Variants in GPC6 observed in about 807,000 individuals in gnomAD.
GPC6 encodes the protein glypican 6.
In GPC6, 14 loss-of-function variants were observed where a neutral mutation model predicts 55.2. That is an observed-to-expected ratio of 0.25 (90% confidence interval 0.17 to 0.40). GPC6 has a LOEUF of 0.40. Ranked by LOEUF, GPC6 falls within the 10% of genes least tolerant of loss-of-function variation. The pLI is 1.00. For synonymous variants in GPC6, 278 were observed against 259.6 expected (o/e 1.07, Z -0.68); for missense variants, 641 against 708.5 (o/e 0.90, Z 1.08).
chr13:94,314,579 A>T (rs1876423324), intron 6 of GPC6, among the ~76,000 whole-genome samples: 3 of 152,170 alleles, frequency 2.0e-5, no homozygotes. Flanking sequence ...CTCAAACCAT[A>T]CCTTTAAAAA....
intron 4 of GPC6, among the ~76,000 whole-genome samples, chr13:94,186,384 T>G (rs1039096766): frequency 1.4e-4 from 21 of 152,220 alleles, no homozygotes; most frequent in Non-Finnish European, 2.5e-4. Context: ...CCCATTTTCC[T>G]CCTTCTTTAA....
chr13:93,834,568 C>G (rs1887660127), intron 3 of GPC6, among the ~76,000 whole-genome samples: 1 of 151,856 alleles, frequency 6.6e-6, no homozygotes, highest in Non-Finnish European at 1.5e-5. Context: ...AAGCCAGGTG[C>G]TTGAGGAGTG....
At chr13:93,989,295 G>C (rs965543737) in intron 3 of GPC6, among the ~76,000 whole-genome samples, 5 of 152,136 alleles carry the variant, frequency 3.3e-5, no homozygotes, top group African/African-American at 1.2e-4. Context: ...TATTTCTTGA[G>C]TGCAGGGACC....
At chr13:93,844,290 C>T (rs1008326163) in intron 3 of GPC6, among the ~76,000 whole-genome samples, 1 of 152,074 alleles carries the variant, frequency 6.6e-6, no homozygotes, top group African/African-American at 2.4e-5. Context: ...AGGCATGCAC[C>T]ACCATGCCCA....
At chr13:93,914,243 T>A (rs1877169832) in intron 3 of GPC6, among the ~76,000 whole-genome samples, 1 of 143,026 alleles carries the variant, frequency 7.0e-6, no homozygotes, top group East Asian at 2.3e-4. Context: ...CAGGCCCCGG[T>A]GTGTGATGTT....
chr13:93,640,582 T>C (rs1879870676), intron 2 of GPC6, among the ~76,000 whole-genome samples: 1 of 152,042 alleles, frequency 6.6e-6, no homozygotes, highest in Non-Finnish European at 1.5e-5. Flanking sequence ...AGGAACTCTC[T>C]ATCAAGAAAT....
chr13:93,942,319 A>G (rs1254026656), intron 3 of GPC6, among the ~76,000 whole-genome samples: 1 of 152,160 alleles, frequency 6.6e-6, no homozygotes, highest in Non-Finnish European at 1.5e-5. Context: ...ATCTCACAAC[A>G]TAGCAGTCAA....
At chr13:94,366,246 A>G (rs1389849342) in intron 6 of GPC6, among the ~76,000 whole-genome samples, 1 of 152,252 alleles carries the variant, frequency 6.6e-6, no homozygotes, top group Non-Finnish European at 1.5e-5. Flanking sequence ...ATGTTCAAAC[A>G]TTAAACTTTT....
At chr13:93,898,940 A>AATATAT (rs66531953) in intron 3 of GPC6, among the ~76,000 whole-genome samples, 4,919 of 136,498 alleles carry the variant, frequency 0.036, 111 homozygotes, top group East Asian at 0.075. Flanking sequence ...ATTATATATA[A>AATATAT]ATATATATAT....
chr13:93,432,934 G>A (rs1432734633), intron 1 of GPC6, among the ~76,000 whole-genome samples: 2 of 128,784 alleles, frequency 1.6e-5, no homozygotes, highest in Non-Finnish European at 3.2e-5. Flanking sequence ...AATAGGAGAA[G>A]GAGAAGGCAG....
At chr13:94,260,816 G>A (rs935059469) in intron 4 of GPC6, among the ~76,000 whole-genome samples, 2 of 152,140 alleles carry the variant, frequency 1.3e-5, no homozygotes, top group African/African-American at 4.8e-5. Context: ...CGGGAGCATG[G>A]TGGAGGCTGG....
At chr13:93,660,676 A>C (rs1025613748) in intron 2 of GPC6, among the ~76,000 whole-genome samples, 3 of 152,182 alleles carry the variant, frequency 2.0e-5, no homozygotes, top group African/African-American at 7.2e-5. Context: ...GTTCTTCTTT[A>C]GAGTTGTCTC....
intron 1 of GPC6, among the ~76,000 whole-genome samples, chr13:93,242,509 A>G (rs1039198759): frequency 2.0e-5 from 3 of 152,168 alleles, no homozygotes; most frequent in Non-Finnish European, 2.9e-5. Flanking sequence ...AAGACCATCT[A>G]CAGATGCACC....
At chr13:94,108,609 G>A (rs1886135873) in intron 4 of GPC6, among the ~76,000 whole-genome samples, 2 of 152,140 alleles carry the variant, frequency 1.3e-5, no homozygotes, top group East Asian at 3.9e-4. Flanking sequence ...GGGAGGCCAA[G>A]GCGGGTGGAT....
At chr13:93,966,943 C>G (rs1039341177) in intron 3 of GPC6, among the ~76,000 whole-genome samples, 2 of 152,128 alleles carry the variant, frequency 1.3e-5, no homozygotes, top group African/African-American at 2.4e-5. Flanking sequence ...GCATGAGCCA[C>G]TGCACCCGAC....
chr13:94,255,920 G>A (rs1049920094), intron 4 of GPC6, among the ~76,000 whole-genome samples: 3 of 152,138 alleles, frequency 2.0e-5, no homozygotes, highest in African/African-American at 7.2e-5. Flanking sequence ...TGTGATCCCT[G>A]GACTGGCAGC....
chr13:94,164,516 C>T (rs375164389), intron 4 of GPC6, among the ~76,000 whole-genome samples: 1 of 152,134 alleles, frequency 6.6e-6, no homozygotes, highest in African/African-American at 2.4e-5. Flanking sequence ...GAAGACTTTC[C>T]ACAATGTGAA....
At chr13:93,380,674 T>G (rs2139203590) in intron 1 of GPC6, among the ~76,000 whole-genome samples, 1 of 152,262 alleles carries the variant, frequency 6.6e-6, no homozygotes, top group African/African-American at 2.4e-5. Context: ...GTAAGGGAAC[T>G]GGGGTGCCAC....
In GPC6 at chr13:93,907,865, T is replaced by G. The variant is rs368482455; in HGVS notation, c.711+77320T>G. ...CTACCTATATTGTATATGTATTTATTAACTTTGTCTCCTTTCCATTAGAAT... is the reference window on the plus strand; with the variant it reads ...CTACCTATATTGTATATGTATTTATGAACTTTGTCTCCTTTCCATTAGAAT... On this transcript the variant is annotated intron_variant, in intron 3 of 8. Coordinates refer to ENST00000377047, the MANE Select transcript of GPC6 (RefSeq NM_005708.5). Among the ~76,000 whole-genome samples, 10 of 152,304 alleles carry G rather than the reference T, an allele frequency of 6.6e-5. No homozygotes were observed. In the East Asian group the frequency reaches 7.7e-4, roughly 12 times the overall value.
Sources: gnomAD v4.1 joint callset for allele counts (sites outside exome capture counted in the v4.1 genomes callset) on GRCh38, gnomAD v4.1.1 for gene constraint, MANE v1.5 for transcripts, NCBI Gene and HGNC (gene_info 2026-07-23, HGNC 2026-07-21) for gene names.